The following INO80B variants were observed in gnomAD, a reference collection of about 807,000 sequenced individuals.
INO80B encodes IES2 homolog.
Under a neutral mutation model 31.4 loss-of-function variants are expected in INO80B, and 18 were observed. That is an observed-to-expected ratio of 0.57 (90% confidence interval 0.40 to 0.85). The LOEUF (loss-of-function observed/expected upper bound fraction) is 0.85, where lower values mean the gene tolerates loss of function less well. Ranked by LOEUF, INO80B falls within the 40% of genes least tolerant of loss-of-function variation. The probability of loss-of-function intolerance (pLI) is 0.00; values close to 1 mark genes in which losing one functional copy is unlikely to be tolerated. For missense variants in INO80B, 469 were observed against 475.4 expected (o/e 0.99, Z 0.13); for synonymous variants, 238 against 199.0 (o/e 1.20, Z -1.65).
chr2:74,457,938 C>A lies in INO80B; in HGVS notation c.*74C>A. ...TCTTCCCCACCCTATTAAATTACAT[C>A]CGGTGCTTCGGCTTGTACAGAACTG... On this transcript the variant is annotated 3_prime_UTR_variant, in exon 5 of 5. Coordinates refer to ENST00000233331, the MANE Select transcript of INO80B (RefSeq NM_031288.4). 7.3e-7 allele frequency: 1 copy of A among 1,378,840 alleles called. No individual in the cohort carries two copies. Among genetic ancestry groups the A allele is most frequent in the Non-Finnish European group, 9.7e-7 (1 of 1,034,292 alleles). 85.4% of individuals were successfully genotyped at this position (1,378,840 alleles called of 1,614,324 possible).
At position 74,457,842 on chromosome 2, in the gene INO80B, G is replaced by T; in HGVS notation, c.1049G>T (p.Gly350Val). Residue 350 changes from glycine (G) to valine (V), a missense_variant, in exon 5 of 5, where the codon GGA becomes GTA. Gly to Val is a moderately radical substitution (Grantham distance 109). Transcript: ENST00000233331. ...QMRLGGPEGPGSPLLAT is the reference protein window; with the variant it reads ...QMRLGGPEGPVSPLLAT ...CGGCTGGGGGGGCCCGAGGGTCCTG[G>T]ATCCCCCCTTTTGGCTACGTAAGGC... 6.4e-7 allele frequency: 1 copy of T among 1,567,958 alleles called. No homozygotes were observed. Among genetic ancestry groups the T allele is most frequent in the Non-Finnish European group, 8.6e-7 (1 of 1,163,718 alleles).
In INO80B at chr2:74,457,737, C is replaced by G. The variant is rs780405065; in HGVS notation, c.944C>G (p.Pro315Arg). The G allele has an allele frequency of 6.2e-7, 1 of 1,600,356 alleles. No homozygotes were observed. The highest frequency in any genetic ancestry group is 2.2e-5 in the East Asian group (1 of 44,860). The change falls in exon 5 of 5, where the codon CCC (proline) becomes CGC (arginine). Residue 315 changes from proline (P) to arginine (R), a missense_variant. Transcript: ENST00000233331. ...CCGCGCTGCTCTGTCCCCGGCTGTCCCCATCCGCGCCGCTACGCTTGCTCC... is the reference window on the plus strand; with the variant it reads ...CCGCGCTGCTCTGTCCCCGGCTGTCGCCATCCGCGCCGCTACGCTTGCTCC... ...PPPRCSVPGC[P>R]HPRRYACSRT...
At position 74,456,204 on chromosome 2, in the gene INO80B, A is replaced by C. The variant is rs1418691213; in HGVS notation, c.472A>C (p.Lys158Gln). ...ACAGAGGTGGCTGGATGCCCTGGAGAAGGGGGAGCTGGATGACAATGGAGA... is the reference window on the plus strand; with the variant it reads ...ACAGAGGTGGCTGGATGCCCTGGAGCAGGGGGAGCTGGATGACAATGGAGA... ...EEQRWLDALE[K>Q]GELDDNGDLK... Residue 158 changes from lysine to glutamine, a missense_variant, in exon 4 of 5, where the codon AAG (lysine) becomes CAG (glutamine). Lys to Gln is a moderately conservative substitution (Grantham distance 53, BLOSUM62 1). This residue lies in a region of INO80B where 223 missense variants were observed against 253.4 expected (regional missense o/e 0.88). Transcript: ENST00000233331. 1.2e-6 allele frequency: 2 copies of C among 1,613,944 alleles called. No homozygotes were observed. Among genetic ancestry groups the C allele is most frequent in the African/African-American group, 2.7e-5 (2 of 74,906 alleles).
At chr2:74,456,071 T>G in intron 3 of INO80B, 32 bp from the exon 4 acceptor site, 1 of 1,576,138 alleles carries the variant, frequency 6.3e-7, no homozygotes, top group Non-Finnish European at 8.6e-7. Flanking sequence ...ATCTGAACAA[T>G]TCTGTTTTTC....
chr2:74,455,268 G>C (rs1671662709), intron 1 of INO80B, 94 bp downstream of exon 1: 2 of 1,549,042 alleles, frequency 1.3e-6, no homozygotes, highest in Non-Finnish European at 1.8e-6. Context: ...GCCACAGGTG[G>C]CAAGGAGAAA....
chr2:74,455,367 C>T, intron 1 of INO80B, 39 bp from the exon 2 acceptor site: 1 of 1,612,870 alleles, frequency 6.2e-7, no homozygotes. Flanking sequence ...CCCCTGCCAC[C>T]CTCCGGCCAA....
Position 74,455,690 on chromosome 2 carries a change from G to A in INO80B, c.251+92G>A, listed in dbSNP as rs905565094. On this transcript the variant is annotated intron_variant, in intron 2 of 4. Coordinates refer to ENST00000233331, the MANE Select transcript of INO80B (RefSeq NM_031288.4). ...ACTGGGCTTTCTAGAAGACCGAATG[G>A]ACACTGTGACTTCAGGGTCCAGATT... 6 of 1,440,652 alleles carry A rather than the reference G, an allele frequency of 4.2e-6. No homozygotes were observed. The African/African-American group carries it at 8.5e-5, about 20-fold the overall frequency. 89.2% of individuals were successfully genotyped at this position (1,440,652 alleles called of 1,614,324 possible).
Position 74,457,392 on chromosome 2 carries a change from C to T in INO80B, c.599C>T (p.Ala200Val), listed in dbSNP as rs1421464524. ...QPSPMLPLPV[A>V]EGCPPPALTE... is the part of the protein sequence containing the mutation. ...TCCCCTATGCTGCCGCTGCCTGTAGCTGAGGGCTGCCCACCTCCCGCCCTC... is the reference window on the plus strand; with the variant it reads ...TCCCCTATGCTGCCGCTGCCTGTAGTTGAGGGCTGCCCACCTCCCGCCCTC... The change falls in exon 5 of 5, where the codon GCT (alanine) becomes GTT (valine). Residue 200 changes from alanine to valine, a missense_variant. Ala to Val is a moderately conservative substitution (Grantham distance 64). Transcript: ENST00000233331. The T allele has an allele frequency of 6.2e-7, 1 of 1,607,508 alleles. No individual in the cohort carries two copies. Among genetic ancestry groups the T allele is most frequent in the Admixed American group, 1.7e-5 (1 of 59,458 alleles).
rs1317102456 is a variant in INO80B, at chr2:74,455,809, T to C, written c.252-9T>C. The C allele has an allele frequency of 6.4e-7, 1 of 1,567,564 alleles. No homozygotes were observed. Among genetic ancestry groups the C allele is most frequent in the African/African-American group, 1.4e-5 (1 of 73,934 alleles). Reference sequence around the variant, plus strand: ...GCTCATTTTAAAGAGTAGTGTTGCTTCTCTGCAGTGTTCCTACCTTCACTG... The same window carrying C: ...GCTCATTTTAAAGAGTAGTGTTGCTCCTCTGCAGTGTTCCTACCTTCACTG... On this transcript the variant is annotated splice_polypyrimidine_tract_variant and intron_variant, in intron 2 of 4. Transcript: ENST00000233331.
rs766789726 is a variant in INO80B, at chr2:74,457,780, CTG to C, written c.989_990del (p.Cys330Ter). On this transcript the variant is annotated frameshift_variant, in exon 5 of 5. Coordinates refer to ENST00000233331, the MANE Select transcript of INO80B (RefSeq NM_031288.4). LOFTEE classifies it high-confidence loss of function. ...CTTGCTCCCGCACAGGCCAGGCACT[CTG>C]TAGTCTTCAGTGCTACCGCATCAAC... ...YACSRTGQAL[C>X]SLQCYRINLQ... 4 of 1,597,206 alleles carry C rather than the reference CTG, an allele frequency of 2.5e-6. No homozygotes were observed. The highest frequency in any genetic ancestry group is 1.3e-5 in the African/African-American group (1 of 74,344).
Position 74,457,624 on chromosome 2 carries a change from C to T in INO80B, c.831C>T (p.Ser277=). 3.1e-6 allele frequency: 5 copies of T among 1,589,012 alleles called. No homozygotes were observed. The highest frequency in any genetic ancestry group is 3.4e-6 in the Non-Finnish European group (4 of 1,173,796). Reference sequence around the variant, plus strand: ...CGGCCCCCATGGTGCGCTACTGCAGCGGAGCACAGGGTTCCACCCTTTCCT... The same window carrying T: ...CGGCCCCCATGGTGCGCTACTGCAGTGGAGCACAGGGTTCCACCCTTTCCT... ...AAPAPMVRYC[S]GAQGSTLSFP... is the part of the protein sequence containing the mutation. The change falls in exon 5 of 5, where the codon AGC becomes AGT. Residue 277 remains serine, a synonymous_variant. Transcript: ENST00000233331.
In INO80B at chr2:74,457,850, CT is replaced by C; in HGVS notation, c.1061del (p.Leu354TrpfsTer?). On this transcript the variant is annotated frameshift_variant, in exon 5 of 5. Transcript: ENST00000233331. LOFTEE classifies it high-confidence loss of function. ...LGGPEGPGSP[L>X]LAT ...GGGGCCCGAGGGTCCTGGATCCCCC[CT>C]TTTGGCTACGTAAGGCCCTTAACCC... is the stretch of plus-strand genomic sequence containing the variant. The C allele has an allele frequency of 1.3e-6, 2 of 1,560,354 alleles. No individual in the cohort carries two copies. Among genetic ancestry groups the C allele is most frequent in the Non-Finnish European group, 1.7e-6 (2 of 1,159,644 alleles).
In INO80B at chr2:74,457,470, A is replaced by T. The variant is rs1375758975; in HGVS notation, c.677A>T (p.Gln226Leu). The T allele has an allele frequency of 6.4e-7, 1 of 1,558,624 alleles. No homozygotes were observed. Among genetic ancestry groups the T allele is most frequent in the Non-Finnish European group, 8.7e-7 (1 of 1,151,818 alleles). The change falls in exon 5 of 5, where the codon CAG becomes CTG. Residue 226 changes from glutamine (Q) to leucine (L), a missense_variant. By Grantham distance (113) the Gln-to-Leu change is moderately radical (BLOSUM62 -2). Transcript: ENST00000233331. ...GAGCGGGCGCGGAAGCGGCGGCTCC[A>T]GGCGGCGCGGCGGGCAGAAGAGCAC... ...REERARKRRL[Q>L]AARRAEEHKN... is the part of the protein sequence containing the mutation.
chr2:74,457,879 A>C lies in INO80B; in HGVS notation c.*15A>C. 1 of 1,509,678 alleles carries C rather than the reference A, an allele frequency of 6.6e-7. No homozygotes were observed. Among genetic ancestry groups the C allele is most frequent in the Non-Finnish European group, 8.8e-7 (1 of 1,135,898 alleles). 93.5% of individuals were successfully genotyped at this position (1,509,678 alleles called of 1,614,324 possible). On this transcript the variant is annotated 3_prime_UTR_variant, in exon 5 of 5. Coordinates refer to ENST00000233331, the MANE Select transcript of INO80B (RefSeq NM_031288.4). ...TGGCTACGTAAGGCCCTTAACCCGG[A>C]CTCTGCGCCCCGTCCCATGCCCGCT...
At chr2:74,455,371 C>T (rs376540733) in intron 1 of INO80B, 35 bp from the exon 2 acceptor site, 82 of 1,613,294 alleles carry the variant, frequency 5.1e-5, no homozygotes, top group Non-Finnish European at 6.3e-5. Context: ...TGCCACCCTC[C>T]GGCCAAACAC....
intron 1 of INO80B, 96 bp downstream of exon 1, chr2:74,455,270 AAGG>A: frequency 6.5e-7 from 1 of 1,541,236 alleles, no homozygotes; most frequent in Non-Finnish European, 9.0e-7. Flanking sequence ...CACAGGTGGC[AAGG>A]AGAAAGGCGG....
chr2:74,456,082 T>C (rs1572913366), intron 3 of INO80B, 21 bp from the exon 4 acceptor site: 13 of 1,575,802 alleles, frequency 8.2e-6, no homozygotes, highest in Admixed American at 7.4e-5. Context: ...TCTGTTTTTC[T>C]TTCTCCAACT....
In INO80B at chr2:74,457,439, C is replaced by G; in HGVS notation, c.646C>G (p.Arg216Gly). The G allele has an allele frequency of 6.3e-7, 1 of 1,584,536 alleles. No homozygotes were observed. Among genetic ancestry groups the G allele is most frequent in the Non-Finnish European group, 8.6e-7 (1 of 1,165,716 alleles). The change falls in exon 5 of 5, where the codon CGC becomes GGC. Residue 216 changes from arginine (R) to glycine (G), a missense_variant. This residue lies in a region of INO80B where 45 missense variants were observed against 70.3 expected (regional missense o/e 0.64). Transcript: ENST00000233331. ...PALTEEMLLK[R>G]EERARKRRLQ... The stretch of plus-strand genomic sequence containing the variant: ...CCTCACAGAGGAGATGCTGCTGAAG[C>G]GCGAGGAGCGGGCGCGGAAGCGGCG...
chr2:74,456,515 A>T (rs552361604), intron 4 of INO80B, among the ~76,000 whole-genome samples: 9 of 152,370 alleles, frequency 5.9e-5, no homozygotes, highest in Admixed American at 2.0e-4. Context: ...AAGTGGCGTA[A>T]ACAAACAGAT....
Sources: allele counts gnomAD v4.1 joint callset (sites outside exome capture counted in the v4.1 genomes callset), GRCh38; gene constraint gnomAD v4.1.1; regional missense constraint gnomAD v4.1.1; transcripts MANE v1.5; gene names NCBI Gene and HGNC (gene_info 2026-07-23, HGNC 2026-07-21).